The following HSP90B1 variants were observed in gnomAD, a reference collection of about 807,000 sequenced individuals.
The protein encoded by HSP90B1 is heat shock protein 90 beta family member 1, also known as endoplasmin.
Under a neutral mutation model 100.4 loss-of-function variants are expected in HSP90B1, and 27 were observed. The ratio of observed to expected loss-of-function variants is 0.27; its 90% CI spans 0.20 to 0.37. The LOEUF (loss-of-function observed/expected upper bound fraction) is 0.37. HSP90B1 is among the 10% of genes least tolerant of loss of function. The probability of loss-of-function intolerance (pLI) is 1.00; values close to 1 mark genes in which losing one functional copy is unlikely to be tolerated. For missense variants in HSP90B1, 678 were observed against 960.5 expected, an observed-to-expected ratio of 0.71 and a Z score of 3.89; for synonymous variants, 304 against 330.8, an observed-to-expected ratio of 0.92 and a Z score of 0.88.
At chr12:103,933,060 A>G in intron 4 of HSP90B1, 118 bp downstream of exon 4, 1 of 631,046 alleles carries the variant, frequency 1.6e-6, no homozygotes, top group Non-Finnish European at 2.8e-6. Context: ...CCCAAGTCTC[A>G]GTGGCTTGAA....
chr12:103,942,586 T>G lies in HSP90B1; in HGVS notation c.1434T>G (p.Asp478Glu). The G allele has an allele frequency of 6.2e-7, 1 of 1,613,980 alleles. No individual in the cohort carries two copies. Among genetic ancestry groups the G allele is most frequent in the Admixed American group, 1.7e-5 (1 of 60,022 alleles). The change falls in exon 12 of 18, where the codon GAT becomes GAG. Residue 478 changes from aspartate (D) to glutamate (E), a missense_variant. Coordinates refer to ENST00000299767, the MANE Select transcript of HSP90B1 (RefSeq NM_003299.3). ...TLDMIKKIAD[D>E]KYNDTFWKEF... ...ACATGATCAAGAAGATTGCTGATGA[T>G]AAATACAATGATACTTTTTGGAAAG...
intron 5 of HSP90B1, 81 bp downstream of exon 5, chr12:103,934,368 A>C (rs1324972257): frequency 8.8e-7 from 1 of 1,131,424 alleles, no homozygotes; most frequent in East Asian, 2.5e-5. Flanking sequence ...TGAGCAAATG[A>C]CTTATTCTGG....
rs201068970 is a variant in HSP90B1, at chr12:103,931,571, G to A, written c.100G>A (p.Asp34Asn). ...EVDVDGTVEEDLGKSREGSRT... is the reference protein window; with the variant it reads ...EVDVDGTVEENLGKSREGSRT... ...TGATGTGGATGGTACAGTAGAAGAG[G>A]ATCTGGGTAAAAGTAGAGAAGGATC... Residue 34 changes from aspartate (D) to asparagine (N), a missense_variant, in exon 2 of 18, where the codon GAT becomes AAT. Asp to Asn is a conservative substitution (Grantham distance 23). Transcript: ENST00000299767. The A allele has an allele frequency of 6.2e-7, 1 of 1,613,872 alleles. No homozygotes were observed. The highest frequency in any genetic ancestry group is 8.5e-7 in the Non-Finnish European group (1 of 1,179,786).
intron 8 of HSP90B1, among the ~76,000 whole-genome samples, chr12:103,941,126 C>G (rs1219006306): frequency 6.6e-6 from 1 of 152,262 alleles, no homozygotes; most frequent in Admixed American, 6.5e-5. Context: ...GAAGTATAAA[C>G]TCATCCTTCC....
chr12:103,947,313 GGAA>G lies in HSP90B1; in HGVS notation c.2271_2273del (p.Glu758del). ...GGGCCCATAAATGTTGTGTTTAGGT[GGAA>G]GAAGAGCCCGAAGAAGAACCTGAAG... On this transcript the variant is annotated inframe_deletion, in exon 17 of 18. Transcript: ENST00000299767. 1.3e-6 allele frequency: 2 copies of G among 1,594,316 alleles called. No individual in the cohort carries two copies. Among genetic ancestry groups the G allele is most frequent in the South Asian group, 1.1e-5 (1 of 87,472 alleles).
rs765949732 is a variant in HSP90B1, at chr12:103,942,775, G to A, written c.1623G>A (p.Met541Ile). 1.0e-4 allele frequency: 162 copies of A among 1,613,762 alleles called. No individual in the cohort carries two copies. The highest frequency in any genetic ancestry group is 1.3e-4 in the Non-Finnish European group (149 of 1,179,822). The change falls in exon 12 of 18, where the codon ATG (methionine) becomes ATA (isoleucine). Residue 541 changes from methionine to isoleucine, a missense_variant. Physicochemically the swap from Met to Ile is conservative, Grantham distance 10 (BLOSUM62 1). Transcript: ENST00000299767. ...AAAAACAAGACAAAATCTACTTCAT[G>A]GCTGGGTCCAGCAGAAAAGAGGTGA... is the stretch of plus-strand genomic sequence containing the variant. ...MKEKQDKIYFMAGSSRKEAES... is the reference protein window; with the variant it reads ...MKEKQDKIYFIAGSSRKEAES...
Position 103,946,797 on chromosome 12 carries a change from T to TGAA in HSP90B1, c.2120_2121insAGA (p.Asp706_Asp707insGlu). Reference sequence around the variant, plus strand: ...TTCTTGCATTTCAGGAAGATGAAGATGATAAAACAGTTTTGGATCTTGCTG... The same window carrying TGAA: ...TTCTTGCATTTCAGGAAGATGAAGATGAAGATAAAACAGTTTTGGATCTTGCTG... On this transcript the variant is annotated inframe_insertion, in exon 16 of 18. Coordinates refer to ENST00000299767, the MANE Select transcript of HSP90B1 (RefSeq NM_003299.3). 6.2e-7 allele frequency: 1 copy of TGAA among 1,614,110 alleles called. No individual in the cohort carries two copies. Among genetic ancestry groups the TGAA allele is most frequent in the Non-Finnish European group, 8.5e-7 (1 of 1,180,018 alleles).
At position 103,943,872 on chromosome 12, in the gene HSP90B1, A is replaced by C; in HGVS notation, c.2025A>C (p.Thr675=). Residue 675 remains threonine (T), a splice_region_variant and synonymous_variant, in exon 14 of 18, where the codon ACA becomes ACC. Coordinates refer to ENST00000299767, the MANE Select transcript of HSP90B1 (RefSeq NM_003299.3). This position sits in a 1 kb window ranked among gnomAD's most constrained non-coding sequence, Gnocchi z 5.3. ...ACCAAACGGGCAAGGACATCTCTAC[A>C]AAGTAAGCATCCTCGGGAAAGTCCC... is the stretch of plus-strand genomic sequence containing the variant. ...QAYQTGKDIS[T]NYYASQKKTF... is the part of the protein sequence containing the mutation. The C allele has an allele frequency of 6.2e-7, 1 of 1,612,622 alleles. No individual in the cohort carries two copies. The highest frequency in any genetic ancestry group is 8.5e-7 in the Non-Finnish European group (1 of 1,179,412).
Position 103,947,568 on chromosome 12 carries a change from C to A in HSP90B1, c.2383-65C>A, listed in dbSNP as rs144820388. ...TAAATTGTTTATTTCATGCACAAAC[C>A]TGTGAGCTAGGTTTTTTTTCTGCTA... On this transcript the variant is annotated intron_variant, in intron 17 of 17. Transcript: ENST00000299767. 3.9e-6 allele frequency: 6 copies of A among 1,558,104 alleles called. No homozygotes were observed. In the Admixed American group the frequency reaches 1.1e-4, roughly 29 times the overall value.
In HSP90B1 at chr12:103,934,120, T is replaced by C. The variant is rs757321555; in HGVS notation, c.576T>C (p.Ile192=). 3 of 1,614,110 alleles carry C rather than the reference T, an allele frequency of 1.9e-6. No individual in the cohort carries two copies. The highest frequency in any genetic ancestry group is 2.2e-5 in the South Asian group (2 of 91,090). ...ATGGCCAGTCAACTTCTGAATTGAT[T>C]GGCCAGTTTGGTGTCGGTTTCTATT... ...QEDGQSTSEL[I]GQFGVGFYSA... Residue 192 remains isoleucine (I), a synonymous_variant, in exon 5 of 18, where the codon ATT becomes ATC. Transcript: ENST00000299767.
chr12:103,940,263 G>C (rs370902628), intron 8 of HSP90B1, among the ~76,000 whole-genome samples: 2 of 151,608 alleles, frequency 1.3e-5, no homozygotes, highest in Non-Finnish European at 2.9e-5. Context: ...TAAAGAGCTT[G>C]CTTATGACAT....
In HSP90B1 at chr12:103,943,628, G is replaced by A; in HGVS notation, c.1891-110G>A. ...TTAAGAAAAGCTATTTTTATGACCT[G>A]CTTCTGTGTTTATGATCTTAAGTGA... On this transcript the variant is annotated intron_variant, in intron 13 of 17. Coordinates refer to ENST00000299767, the MANE Select transcript of HSP90B1 (RefSeq NM_003299.3). The surrounding 1 kb of genome is among the most constrained non-coding windows in gnomAD (Gnocchi z 5.3). 1 of 1,116,608 alleles carries A rather than the reference G, an allele frequency of 9.0e-7. No individual in the cohort carries two copies. Among genetic ancestry groups the A allele is most frequent in the South Asian group, 1.7e-5 (1 of 59,804 alleles). The allele number at this position is 1,116,608 out of a possible 1,614,324, so 69.2% of individuals were successfully genotyped here.
rs1200241847 is a variant in HSP90B1, at chr12:103,939,705, A to G, written c.1092+80A>G. 7.7e-6 allele frequency: 5 copies of G among 650,962 alleles called. No homozygotes were observed. The African/African-American group carries it at 9.5e-5, about 12-fold the overall frequency. 40.3% of individuals were successfully genotyped at this position (650,962 alleles called of 1,614,324 possible). On this transcript the variant is annotated intron_variant, in intron 8 of 17. Coordinates refer to ENST00000299767, the MANE Select transcript of HSP90B1 (RefSeq NM_003299.3). Reference sequence around the variant, plus strand: ...CCCTCTTAGTTTAATTGTATATGGTATGTGACCATGAATATGAGATGGTCC... The same window carrying G: ...CCCTCTTAGTTTAATTGTATATGGTGTGTGACCATGAATATGAGATGGTCC...
In HSP90B1 at chr12:103,943,968, T is replaced by C; in HGVS notation, c.2027+94T>C. 1.7e-6 allele frequency: 2 copies of C among 1,197,796 alleles called. No individual in the cohort carries two copies. 74.2% of individuals were successfully genotyped at this position (1,197,796 alleles called of 1,614,324 possible). A position where few individuals can be genotyped will look rare whatever the true frequency, so the allele number is the denominator to read the frequency against. ...CCAGCTTCAATACAAAGAGTAAAAT[T>C]GCCTTAAATGTCTACCACTGTCTAC... On this transcript the variant is annotated intron_variant, in intron 14 of 17. Transcript: ENST00000299767. The surrounding 1 kb of genome is among the most constrained non-coding windows in gnomAD (Gnocchi z 5.3).
At chr12:103,945,927 T>A (rs1297965983) in intron 14 of HSP90B1, among the ~76,000 whole-genome samples, 8 of 152,084 alleles carry the variant, frequency 5.3e-5, no homozygotes, top group Non-Finnish European at 7.4e-5. Context: ...CTATAAAAAC[T>A]AAATAAGGAA....
chr12:103,943,630 TTC>T lies in HSP90B1; in HGVS notation c.1891-106_1891-105del. 3.5e-6 allele frequency: 4 copies of T among 1,135,270 alleles called. No individual in the cohort carries two copies. The highest frequency in any genetic ancestry group is 5.0e-6 in the Non-Finnish European group (4 of 807,414). The allele number at this position is 1,135,270 out of a possible 1,614,324, so 70.3% of individuals were successfully genotyped here. On this transcript the variant is annotated intron_variant, in intron 13 of 17. Transcript: ENST00000299767. This position sits in a 1 kb window ranked among gnomAD's most constrained non-coding sequence, Gnocchi z 5.3. The stretch of plus-strand genomic sequence containing the variant: ...AAGAAAAGCTATTTTTATGACCTGC[TTC>T]TGTGTTTATGATCTTAAGTGATAAA...
intron 16 of HSP90B1, 57 bp from the exon 17 acceptor site, chr12:103,947,254 A>T: frequency 6.5e-7 from 1 of 1,526,970 alleles, no homozygotes; most frequent in African/African-American, 1.4e-5. Context: ...ATACATATAA[A>T]TGAGCAAAGT....
chr12:103,932,975 G>GAAA, intron 4 of HSP90B1, 33 bp downstream of exon 4: 1 of 1,093,080 alleles, frequency 9.1e-7, no homozygotes, highest in Non-Finnish European at 1.4e-6. Context: ...TTCTTTTAAA[G>GAAA]GAAAAGGAAT....
chr12:103,933,148 T>C (rs1438163440), intron 4 of HSP90B1, among the ~76,000 whole-genome samples: 1 of 149,810 alleles, frequency 6.7e-6, no homozygotes, highest in Non-Finnish European at 1.5e-5. Flanking sequence ...TGCCCATTTG[T>C]TTATTATCTG....
Sources: allele counts gnomAD v4.1 joint callset (sites outside exome capture counted in the v4.1 genomes callset), GRCh38; gene constraint gnomAD v4.1.1; non-coding constraint Gnocchi (gnomAD v3.1); transcripts MANE v1.5; gene names NCBI Gene and HGNC (gene_info 2026-07-23, HGNC 2026-07-21).